Variants in FUT8 observed in about 807,000 individuals in gnomAD.
FUT8 encodes the protein alpha-(1,6)-fucosyltransferase.
A neutral mutation model predicts 71.3 loss-of-function variants in FUT8; 29 were observed. The observed-to-expected ratio is 0.41, with a 90% confidence interval of 0.30 to 0.55. FUT8 has a LOEUF of 0.55. FUT8 is among the 20% of genes least tolerant of loss of function. The pLI, the probability that FUT8 is intolerant of heterozygous loss-of-function variation, is 0.34. For missense variants in FUT8, 544 were observed against 702.1 expected (o/e 0.77, Z 2.55); for synonymous variants, 254 against 239.3 (o/e 1.06, Z -0.57).
intron 3 of FUT8, among the ~76,000 whole-genome samples, chr14:65,580,458 T>C (rs1887030278): frequency 6.6e-6 from 1 of 151,906 alleles, no homozygotes; most frequent in African/African-American, 2.4e-5. Context: ...ATAATACATA[T>C]ATATGTATTT....
rs932451075 is a variant in FUT8, at chr14:65,669,914, A to G, written c.835+434A>G. Reference sequence around the variant, plus strand: ...TTTCATAAAACTCCATTTTCTGTTAAGGAAGGTCTAGGCTGCAGCCTGAGA... The same window carrying G: ...TTTCATAAAACTCCATTTTCTGTTAGGGAAGGTCTAGGCTGCAGCCTGAGA... On this transcript the variant is annotated intron_variant, in intron 7 of 10. Transcript: ENST00000673929. The surrounding 1 kb of genome is among the most constrained non-coding windows in gnomAD (Gnocchi z 4.5). Among the ~76,000 whole-genome samples, 7 of 152,198 alleles carry G rather than the reference A, an allele frequency of 4.6e-5. No individual in the cohort carries two copies. Among genetic ancestry groups the G allele is most frequent in the Non-Finnish European group, 1.0e-4 (7 of 68,026 alleles).
chr14:65,613,851 A>T (rs546651153), intron 3 of FUT8, among the ~76,000 whole-genome samples: 1 of 152,098 alleles, frequency 6.6e-6, no homozygotes, highest in African/African-American at 2.4e-5. Context: ...CGTGGCTCAT[A>T]CCTGTAATTC....
At chr14:65,522,300 T>C (rs963722813) in intron 2 of FUT8, among the ~76,000 whole-genome samples, 1 of 152,228 alleles carries the variant, frequency 6.6e-6, no homozygotes, top group Non-Finnish European at 1.5e-5. Context: ...CAGTATTCTT[T>C]ACACCATAAA....
chr14:65,434,190 T>C (rs1404186385), intron 1 of FUT8, among the ~76,000 whole-genome samples: 1 of 152,216 alleles, frequency 6.6e-6, no homozygotes, highest in African/African-American at 2.4e-5. Context: ...TTATTGGCTA[T>C]GTAAATAGGA....
the FUT8 span, among the ~76,000 whole-genome samples, chr14:65,392,897 A>AT: frequency 6.6e-6 from 1 of 152,166 alleles, no homozygotes; most frequent in South Asian, 2.1e-4. Context: ...ACAACAAATG[A>AT]TTTTTTAGCA....
chr14:65,483,565 C>A lies in FUT8; in HGVS notation c.-228+27847C>A, dbSNP rs1050542893. Among the ~76,000 whole-genome samples, 3 of 152,160 alleles carry A rather than the reference C, an allele frequency of 2.0e-5. No individual in the cohort carries two copies. Among genetic ancestry groups the A allele is most frequent in the African/African-American group, 7.2e-5 (3 of 41,428 alleles). On this transcript the variant is annotated intron_variant, in intron 2 of 10. Coordinates refer to ENST00000673929, the MANE Select transcript of FUT8 (RefSeq NM_001371533.1). This position sits in a 1 kb window ranked among gnomAD's most constrained non-coding sequence, Gnocchi z 4.4. The stretch of plus-strand genomic sequence containing the variant: ...ATCTTAACGATATCAAGTCTTCTGA[C>A]TCATGAATAAAATGTCTCCATTTAT...
At chr14:65,486,027 T>C (rs2066404682) in intron 2 of FUT8, among the ~76,000 whole-genome samples, 1 of 152,222 alleles carries the variant, frequency 6.6e-6, no homozygotes, top group Non-Finnish European at 1.5e-5. Context: ...CATCCTGACC[T>C]CCATATATAG....
chr14:65,629,892 G>C (rs1284482138), intron 6 of FUT8, among the ~76,000 whole-genome samples: 2 of 151,478 alleles, frequency 1.3e-5, no homozygotes, highest in African/African-American at 4.9e-5. Context: ...ACATTTTATA[G>C]GAGAGAAATA....
intron 3 of FUT8, among the ~76,000 whole-genome samples, chr14:65,584,457 A>C (rs1443104727): frequency 6.6e-6 from 1 of 152,174 alleles, no homozygotes; most frequent in East Asian, 1.9e-4. Context: ...TGGGATTACA[A>C]GCATGAGCCT....
chr14:65,421,739 A>ACG (rs1449772362), intron 1 of FUT8, among the ~76,000 whole-genome samples: 1 of 51,968 alleles, frequency 1.9e-5, no homozygotes, highest in Non-Finnish European at 3.6e-5. Flanking sequence ...CCTTTAACCC[A>ACG]CCCCCCCCTT....
Position 65,635,448 on chromosome 14 carries a change from C to T in FUT8, c.597+5842C>T, listed in dbSNP as rs572816426. ...ACAGGGAATGCTTTCAACTTTTCCC[C>T]ATTTAGTATTATGTTGGCTGTGGGT... On this transcript the variant is annotated intron_variant, in intron 6 of 10. Transcript: ENST00000673929. Among the ~76,000 whole-genome samples the T allele has an allele frequency of 2.0e-5, 3 of 152,230 alleles. No homozygotes were observed. In the South Asian group the frequency reaches 6.2e-4, roughly 32 times the overall value.
At chr14:65,510,204 C>T (rs1483892163) in intron 2 of FUT8, among the ~76,000 whole-genome samples, 1 of 151,778 alleles carries the variant, frequency 6.6e-6, no homozygotes, top group East Asian at 1.9e-4. Flanking sequence ...TGGTTTTTGT[C>T]CTTCATTTGT....
At chr14:65,392,259 T>A in the FUT8 span, among the ~76,000 whole-genome samples, 1 of 152,198 alleles carries the variant, frequency 6.6e-6, no homozygotes, top group Non-Finnish European at 1.5e-5. Context: ...GCAGAATTAC[T>A]CCTCTGGCAA....
intron 2 of FUT8, among the ~76,000 whole-genome samples, chr14:65,548,286 A>G (rs149219353): frequency 5.3e-4 from 81 of 152,092 alleles, no homozygotes; most frequent in African/African-American, 1.9e-3. Context: ...TTTTCAACCT[A>G]TAGTTTTTCC....
At chr14:65,623,869 T>A (rs1267813381) in intron 5 of FUT8, among the ~76,000 whole-genome samples, 1 of 152,228 alleles carries the variant, frequency 6.6e-6, no homozygotes, top group Non-Finnish European at 1.5e-5. Flanking sequence ...AGGTCTTTAG[T>A]ATGCCCACTT....
At chr14:65,544,647 G>A (rs897582022) in intron 2 of FUT8, among the ~76,000 whole-genome samples, 2 of 152,058 alleles carry the variant, frequency 1.3e-5, no homozygotes, top group South Asian at 2.1e-4. Context: ...AATTGTTAAG[G>A]TGAGTGAGAT....
At chr14:65,614,174 A>T (rs191632166) in intron 3 of FUT8, among the ~76,000 whole-genome samples, 1 of 152,256 alleles carries the variant, frequency 6.6e-6, no homozygotes, top group African/African-American at 2.4e-5. Context: ...ATAATTTAAA[A>T]CTTAAGTTCC....
chr14:65,628,343 T>C (rs778306533), intron 5 of FUT8, among the ~76,000 whole-genome samples: 1 of 152,192 alleles, frequency 6.6e-6, no homozygotes, highest in Non-Finnish European at 1.5e-5. Context: ...AGCCAATTCA[T>C]GTTAAGAACA....
At chr14:65,358,577 C>T in the FUT8 span, among the ~76,000 whole-genome samples, 9 of 152,152 alleles carry the variant, frequency 5.9e-5, no homozygotes, top group African/African-American at 2.2e-4. Context: ...CTTCGGTCTA[C>T]AGAGTAACTG....
Sources: allele counts gnomAD v4.1 joint callset (sites outside exome capture counted in the v4.1 genomes callset), GRCh38; gene constraint gnomAD v4.1.1; non-coding constraint Gnocchi (gnomAD v3.1); transcripts MANE v1.5; gene names NCBI Gene and HGNC (gene_info 2026-07-23, HGNC 2026-07-21).